The following TSPAN9 variants were observed in gnomAD, a reference collection of about 807,000 sequenced individuals.
The protein encoded by TSPAN9 is tetraspanin 9.
A neutral mutation model predicts 31.0 loss-of-function variants in TSPAN9; 16 were observed. That is an observed-to-expected ratio of 0.52 (90% CI 0.35 to 0.78). TSPAN9 has a LOEUF of 0.78. TSPAN9 is among the 30% of genes least tolerant of loss of function. The pLI is 0.01. For synonymous variants in TSPAN9, 145 were observed against 121.6 expected, an observed-to-expected ratio of 1.19 and a Z score of -1.27; for missense variants, 272 against 312.5, an observed-to-expected ratio of 0.87 and a Z score of 0.98.
At chr12:3,173,361 A>G (rs1222749339) in intron 2 of TSPAN9, 1 of 152,352 alleles carries the variant, frequency 6.6e-6, no homozygotes, top group African/African-American at 2.4e-5. Flanking sequence ...CTCTCCCTGC[A>G]ATGCCCTTTC....
At chr12:3,231,251 C>CAAGTTCCCT (rs1174704405) in intron 3 of TSPAN9, among the ~76,000 whole-genome samples, 1 of 152,126 alleles carries the variant, frequency 6.6e-6, no homozygotes, top group Non-Finnish European at 1.5e-5. Context: ...GGGGCAGTCC[C>CAAGTTCCCT]AAGTTCCCTA....
intron 2 of TSPAN9, among the ~76,000 whole-genome samples, chr12:3,132,547 G>T (rs1403407510): frequency 6.6e-6 from 1 of 151,442 alleles, no homozygotes; most frequent in African/African-American, 2.4e-5. Context: ...TTCAGTTCCC[G>T]CATTCCTGTT....
chr12:3,161,315 A>G lies in TSPAN9; in HGVS notation c.-17-39862A>G, dbSNP rs77370479. Among the ~76,000 whole-genome samples, 23 of 152,360 alleles carry G rather than the reference A, an allele frequency of 1.5e-4. No homozygotes were observed. The East Asian group carries it at 4.4e-3, about 29-fold the overall frequency. On this transcript the variant is annotated intron_variant, in intron 2 of 8. Transcript: ENST00000011898. ...GTGTCATATCTAAGGCATAATTGCC[A>G]AACCCAAGGTCACAAAGAGTTACAC...
At chr12:3,224,734 G>T (rs1291160925) in intron 3 of TSPAN9, among the ~76,000 whole-genome samples, 2 of 152,254 alleles carry the variant, frequency 1.3e-5, no homozygotes, top group African/African-American at 4.8e-5. Context: ...ATGGGCGGGG[G>T]TAATGACAGC....
Position 3,238,578 on chromosome 12 carries a change from G to A in TSPAN9, c.63+37322G>A, listed in dbSNP as rs1263929097. Among the ~76,000 whole-genome samples, 5 of 152,182 alleles carry A rather than the reference G, an allele frequency of 3.3e-5. No homozygotes were observed. In the East Asian group the frequency reaches 5.8e-4, roughly 18 times the overall value. On this transcript the variant is annotated intron_variant, in intron 3 of 8. Transcript: ENST00000011898. Reference sequence around the variant, plus strand: ...CGACCCTTCCATGCCTCACGGGAACGGCCCTGGCTGAGAGTTGGGGCTTGT... The same window carrying A: ...CGACCCTTCCATGCCTCACGGGAACAGCCCTGGCTGAGAGTTGGGGCTTGT...
At chr12:3,281,102 T>C (rs974920723) in intron 6 of TSPAN9, 96 bp from the exon 7 acceptor site, 3 of 1,521,242 alleles carry the variant, frequency 2.0e-6, no homozygotes, top group African/African-American at 2.8e-5. Context: ...TGGCCACTTT[T>C]GCGGGGACTG....
At chr12:3,176,618 T>G (rs905504237) in intron 2 of TSPAN9, among the ~76,000 whole-genome samples, 20 of 152,272 alleles carry the variant, frequency 1.3e-4, no homozygotes, top group African/African-American at 4.6e-4. Flanking sequence ...CTAAATAGTT[T>G]AAGAACATAG....
At chr12:3,108,385 C>T (rs531099091) in intron 2 of TSPAN9, among the ~76,000 whole-genome samples, 1 of 152,318 alleles carries the variant, frequency 6.6e-6, no homozygotes, top group African/African-American at 2.4e-5. Context: ...GCTTAATTTT[C>T]TTTTAAATTC....
At position 3,107,818 on chromosome 12, in the gene TSPAN9, G is replaced by T. The variant is rs566356679; in HGVS notation, c.-18+24099G>T. On this transcript the variant is annotated intron_variant, in intron 2 of 8. Transcript: ENST00000011898. The surrounding 1 kb of genome is among the most constrained non-coding windows in gnomAD (Gnocchi z 4.1). ...GATATCGCTAGTGCTACCTGGGCATGAATTCATTTTTTCCTGGCTTGAGTT... is the reference window on the plus strand; with the variant it reads ...GATATCGCTAGTGCTACCTGGGCATTAATTCATTTTTTCCTGGCTTGAGTT... Among the ~76,000 whole-genome samples, 1 of 152,220 alleles carries T rather than the reference G, an allele frequency of 6.6e-6. No individual in the cohort carries two copies. The highest frequency in any genetic ancestry group is 1.9e-4 in the East Asian group (1 of 5,200).
intron 3 of TSPAN9, among the ~76,000 whole-genome samples, chr12:3,213,557 G>A (rs78896993): frequency 0.042 from 6,317 of 152,202 alleles, 200 homozygotes; most frequent in African/African-American, 0.077. Flanking sequence ...ATGCTGATGT[G>A]GTACTGAGTG....
At chr12:3,249,902 C>T (rs942780383) in intron 3 of TSPAN9, among the ~76,000 whole-genome samples, 2 of 152,176 alleles carry the variant, frequency 1.3e-5, no homozygotes, top group Admixed American at 6.5e-5. Flanking sequence ...TGCCCCTTGT[C>T]GTCTCACCAT....
intron 2 of TSPAN9, among the ~76,000 whole-genome samples, chr12:3,127,348 C>T (rs1449447551): frequency 6.6e-6 from 1 of 151,834 alleles, no homozygotes; most frequent in Non-Finnish European, 1.5e-5. Flanking sequence ...TTTTACTTAA[C>T]TTTAAAGAAA....
intron 2 of TSPAN9, among the ~76,000 whole-genome samples, chr12:3,144,704 C>T (rs1025628646): frequency 4.6e-5 from 7 of 152,314 alleles, no homozygotes; most frequent in South Asian, 2.1e-4. Context: ...GTTGCAGGTG[C>T]GGGCAGCTTC....
chr12:3,147,836 G>A lies in TSPAN9; in HGVS notation c.-17-53341G>A, dbSNP rs2098337990. ...TGGTGGGTGCCCTTTGGTGAGAGGT[G>A]CGTTGTGAGTGCCTTGTTCTTAGTA... On this transcript the variant is annotated intron_variant, in intron 2 of 8. Coordinates refer to ENST00000011898, the MANE Select transcript of TSPAN9 (RefSeq NM_006675.5). The surrounding 1 kb of genome is among the most constrained non-coding windows in gnomAD (Gnocchi z 4.3). Among the ~76,000 whole-genome samples, 4 of 152,322 alleles carry A rather than the reference G, an allele frequency of 2.6e-5. No homozygotes were observed. In the South Asian group the frequency reaches 8.3e-4, roughly 32 times the overall value.
In TSPAN9 at chr12:3,224,020, C is replaced by T. The variant is rs1027702750; in HGVS notation, c.63+22764C>T. On this transcript the variant is annotated intron_variant, in intron 3 of 8. Coordinates refer to ENST00000011898, the MANE Select transcript of TSPAN9 (RefSeq NM_006675.5). ...GTGCAGCCAAGGTTGAAGCTGCTTC[C>T]TAGTCCATTTCTTGCTCTTCAGATG... Among the ~76,000 whole-genome samples the T allele has an allele frequency of 2.0e-5, 3 of 152,116 alleles. No homozygotes were observed. The East Asian group carries it at 5.8e-4, about 29-fold the overall frequency.
At chr12:3,260,060 TG>T (rs1862419263) in intron 3 of TSPAN9, among the ~76,000 whole-genome samples, 1 of 152,194 alleles carries the variant, frequency 6.6e-6, no homozygotes, top group African/African-American at 2.4e-5. Flanking sequence ...CTAGTACGCG[TG>T]AGATGCCTGT....
At chr12:3,281,658 A>T in intron 7 of TSPAN9, 76 bp from the exon 8 acceptor site, 2 of 1,490,586 alleles carry the variant, frequency 1.3e-6, no homozygotes, top group Non-Finnish European at 1.8e-6. Context: ...GTGGAAGGAG[A>T]GAGTGAGCTG....
intron 2 of TSPAN9, among the ~76,000 whole-genome samples, chr12:3,155,272 A>G (rs2098341661): frequency 6.6e-6 from 1 of 152,170 alleles, no homozygotes; most frequent in Admixed American, 6.5e-5. Context: ...AATAAAAATC[A>G]TGGGGTGTGG....
At chr12:3,151,794 G>A (rs1591649938) in intron 2 of TSPAN9, among the ~76,000 whole-genome samples, 1 of 151,958 alleles carries the variant, frequency 6.6e-6, no homozygotes, top group Admixed American at 6.6e-5. Flanking sequence ...ACCGTGGTGT[G>A]CGCCTGTACT....
Sources: gnomAD v4.1 joint callset for allele counts (sites outside exome capture counted in the v4.1 genomes callset) on GRCh38, gnomAD v4.1.1 for gene constraint, Gnocchi (gnomAD v3.1) non-coding constraint, MANE v1.5 for transcripts, NCBI Gene and HGNC (gene_info 2026-07-23, HGNC 2026-07-21) for gene names.